HDAC7: variants seen among roughly 807,000 people sequenced by gnomAD.
The protein encoded by HDAC7 is histone deacetylase 7A.
In HDAC7, 26 loss-of-function variants were observed where a neutral mutation model predicts 115.5. That is an observed-to-expected ratio of 0.23 (90% CI 0.16 to 0.31). The LOEUF is 0.31. HDAC7 is among the 10% of genes least tolerant of loss of function. The pLI is 1.00. For synonymous variants in HDAC7, 564 were observed against 550.9 expected, an observed-to-expected ratio of 1.02 and a Z score of -0.33; for missense variants, 1,068 against 1,329.0, an observed-to-expected ratio of 0.80 and a Z score of 3.05.
At position 47,798,264 on chromosome 12, in the gene HDAC7, C is replaced by T. The variant is rs745568988; in HGVS notation, c.350-45G>A. The T allele has an allele frequency of 1.6e-5, 23 of 1,472,798 alleles. No homozygotes were observed. The highest frequency in any genetic ancestry group is 1.0e-4 in the South Asian group (9 of 88,234). The allele number at this position is 1,472,798 out of a possible 1,614,324, so 91.2% of individuals were successfully genotyped here. ...AGGGGGCTGGAGGTGGGTGGACAGG[C>T]GGCCTCGTGGCACTACCTGGCCACT... On this transcript the variant is annotated intron_variant, in intron 4 of 25. Transcript: ENST00000080059. The surrounding 1 kb of genome is among the most constrained non-coding windows in gnomAD (Gnocchi z 4.3).
In HDAC7 at chr12:47,798,449, G is replaced by A. The variant is rs966854219; in HGVS notation, c.349+113C>T. ...CCCAGGCAAGCAGAGGGAAAGCCTC[G>A]GCTCAGGCCCAGCTGGCTGCGGCCC... On this transcript the variant is annotated intron_variant, in intron 4 of 25. Coordinates refer to ENST00000080059, the MANE Select transcript of HDAC7 (RefSeq NM_015401.5). This position sits in a 1 kb window ranked among gnomAD's most constrained non-coding sequence, Gnocchi z 4.3. The A allele has an allele frequency of 1.1e-5, 11 of 970,598 alleles. No homozygotes were observed. The highest frequency in any genetic ancestry group is 6.4e-5 in the African/African-American group (4 of 62,068). 60.1% of individuals were successfully genotyped at this position (970,598 alleles called of 1,614,324 possible). A position where few individuals can be genotyped will look rare whatever the true frequency, so the allele number is the denominator to read the frequency against.
intron 1 of HDAC7, among the ~76,000 whole-genome samples, chr12:47,811,071 G>T (rs1944643585): frequency 2.0e-5 from 3 of 152,160 alleles, no homozygotes; most frequent in African/African-American, 4.8e-5. Flanking sequence ...CCGAACTGAG[G>T]CATCTCGGAT....
In HDAC7 at chr12:47,789,727, T is replaced by C. The variant is rs544208013; in HGVS notation, c.2091+86A>G. ...GTAGCAATCTCTAAGAGGAATGCGA[T>C]GCCTGGGGTTCTGGGCCTGGATTCC... On this transcript the variant is annotated intron_variant, in intron 17 of 25. Coordinates refer to ENST00000080059, the MANE Select transcript of HDAC7 (RefSeq NM_015401.5). 2.6e-5 allele frequency: 35 copies of C among 1,363,202 alleles called. 1 individual carries two copies. In the South Asian group the frequency reaches 3.1e-4, roughly 12 times the overall value. The allele number at this position is 1,363,202 out of a possible 1,614,324, so 84.4% of individuals were successfully genotyped here.
At chr12:47,789,991 C>G in intron 16 of HDAC7, 71 bp from the exon 17 acceptor site, 5 of 1,161,612 alleles carry the variant, frequency 4.3e-6, no homozygotes, top group Non-Finnish European at 6.4e-6. Flanking sequence ...AGGGGGTGGT[C>G]CCCACCCCAC....
intron 1 of HDAC7, among the ~76,000 whole-genome samples, chr12:47,806,795 T>G (rs117549626): frequency 0.026 from 3,933 of 152,308 alleles, 74 homozygotes; most frequent in Middle Eastern, 0.048. Flanking sequence ...TGCTCCCTTG[T>G]GGTAGCGAGT....
At chr12:47,801,936 T>C (rs1436728869) in intron 2 of HDAC7, among the ~76,000 whole-genome samples, 1 of 152,144 alleles carries the variant, frequency 6.6e-6, no homozygotes, top group Admixed American at 6.5e-5. Flanking sequence ...TCAGTATAAA[T>C]ATTAGCTTCT....
intron 7 of HDAC7, among the ~76,000 whole-genome samples, chr12:47,796,563 A>G (rs1943857857): frequency 6.6e-6 from 1 of 151,678 alleles, no homozygotes; most frequent in Middle Eastern, 3.2e-3. Context: ...AGCTGGGACT[A>G]CAGGCATGCA....
chr12:47,803,558 C>A lies in HDAC7; in HGVS notation c.20-1284G>T, dbSNP rs964949001. 6.6e-6 allele frequency among the ~76,000 whole-genome samples: 1 copy of A among 152,144 alleles called. No individual in the cohort carries two copies. The highest frequency in any genetic ancestry group is 1.5e-5 in the Non-Finnish European group (1 of 68,020). ...CCATCCTCTGAGGTCCAGCCCAAGT[C>A]CATCTCCTTGGGAGGCTCTCCCTGA... On this transcript the variant is annotated intron_variant, in intron 1 of 25. Transcript: ENST00000080059. This position sits in a 1 kb window ranked among gnomAD's most constrained non-coding sequence, Gnocchi z 4.0.
Position 47,789,793 on chromosome 12 carries a change from C to T in HDAC7, c.2091+20G>A. On this transcript the variant is annotated intron_variant, in intron 17 of 25. Coordinates refer to ENST00000080059, the MANE Select transcript of HDAC7 (RefSeq NM_015401.5). ...GCTTCCTCCTTTGTGGTGTGTCCAC[C>T]TTCAACCCAAACCTCCTACCTTTAG... is the stretch of plus-strand genomic sequence containing the variant. The T allele has an allele frequency of 1.9e-6, 3 of 1,595,324 alleles. No individual in the cohort carries two copies. The African/African-American group carries it at 4.0e-5, about 21-fold the overall frequency.
At chr12:47,800,112 C>G (rs868727312) in intron 2 of HDAC7, among the ~76,000 whole-genome samples, 2 of 152,194 alleles carry the variant, frequency 1.3e-5, no homozygotes, top group South Asian at 4.1e-4. Flanking sequence ...CACTCCTAAC[C>G]ACAATCTTTA....
chr12:47,802,442 C>T (rs777783468), intron 1 of HDAC7, 168 bp from the exon 2 acceptor site: 32 of 1,550,398 alleles, frequency 2.1e-5, no homozygotes, highest in Admixed American at 3.9e-5. Context: ...CCACCCCATT[C>T]GACTCCTCCA....
intron 1 of HDAC7, chr12:47,817,352 T>C (rs539477141): frequency 2.0e-4 from 31 of 152,116 alleles, no homozygotes; most frequent in Admixed American, 3.9e-4. Flanking sequence ...CCACTCCTAA[T>C]CCTTACCAAC....
intron 1 of HDAC7, chr12:47,819,308 G>C (rs1362659741): frequency 6.6e-6 from 1 of 152,472 alleles, no homozygotes; most frequent in Non-Finnish European, 1.5e-5. Flanking sequence ...CCAACTCAGT[G>C]GGTCCTGCCC....
upstream of HDAC7, among the ~76,000 whole-genome samples, chr12:47,821,173 T>C (rs1945012815): frequency 6.6e-6 from 1 of 152,136 alleles, no homozygotes; most frequent in African/African-American, 2.4e-5. Flanking sequence ...GAAGGAAAAA[T>C]TGAGGCAGCC....
chr12:47,789,457 C>A, intron 18 of HDAC7, 66 bp downstream of exon 18: 1 of 1,591,484 alleles, frequency 6.3e-7, no homozygotes, highest in Admixed American at 1.7e-5. Flanking sequence ...GAGAGAATGT[C>A]CCTGAAGGAA....
In HDAC7 at chr12:47,797,639, T is replaced by C; in HGVS notation, c.462-140A>G. On this transcript the variant is annotated intron_variant, in intron 5 of 25. Coordinates refer to ENST00000080059, the MANE Select transcript of HDAC7 (RefSeq NM_015401.5). This position sits in a 1 kb window ranked among gnomAD's most constrained non-coding sequence, Gnocchi z 5.5. ...GTGGGGCTGGTAGGAATGGGGACCA[T>C]CTCCAGGTGGCAGCAGTGGGCCGCC... 3.2e-6 allele frequency: 2 copies of C among 632,160 alleles called. No homozygotes were observed. Among genetic ancestry groups the C allele is most frequent in the Non-Finnish European group, 5.5e-6 (2 of 363,822 alleles). 39.2% of individuals were successfully genotyped at this position (632,160 alleles called of 1,614,324 possible).
intron 21 of HDAC7, 104 bp downstream of exon 21, chr12:47,787,608 G>A: frequency 1.4e-6 from 1 of 721,178 alleles, no homozygotes; most frequent in Non-Finnish European, 2.3e-6. Context: ...CTAGGAACTG[G>A]TGGGGACAGG....
In HDAC7 at chr12:47,787,711, C is replaced by T; in HGVS notation, c.2453+1G>A. 6.2e-7 allele frequency: 1 copy of T among 1,606,342 alleles called. No individual in the cohort carries two copies. Among genetic ancestry groups the T allele is most frequent in the Non-Finnish European group, 8.5e-7 (1 of 1,176,592 alleles). ...CCCCTCTGGGCCCCCAGAGCACGTA[C>T]CTGAAAGCAGCCAGGTACTCAGGAT... On this transcript the variant is annotated splice_donor_variant, in intron 21 of 25. Coordinates refer to ENST00000080059, the MANE Select transcript of HDAC7 (RefSeq NM_015401.5). LOFTEE classifies it high-confidence loss of function.
At chr12:47,788,293 C>T in intron 19 of HDAC7, 129 bp from the exon 20 acceptor site, 1 of 1,229,652 alleles carries the variant, frequency 8.1e-7, no homozygotes, top group East Asian at 2.5e-5. Flanking sequence ...CCTGGGGTTC[C>T]TAAAGCCACA....
Sources: allele counts gnomAD v4.1 joint callset (sites outside exome capture counted in the v4.1 genomes callset), GRCh38; gene constraint gnomAD v4.1.1; non-coding constraint Gnocchi (gnomAD v3.1); transcripts MANE v1.5; gene names NCBI Gene and HGNC (gene_info 2026-07-23, HGNC 2026-07-21).